KCNB2: variants seen among roughly 807,000 people sequenced by gnomAD.
KCNB2 encodes potassium voltage-gated channel subfamily B member 2.
KCNB2 carries 15 observed loss-of-function variants against 61.5 expected under a neutral mutation model. That is an observed-to-expected ratio of 0.24 (90% confidence interval 0.16 to 0.38). KCNB2 has a LOEUF of 0.38. Among genes scored for constraint, KCNB2 ranks in the 10% least tolerant of loss-of-function variants. The pLI is 1.00. For missense variants in KCNB2, 828 were observed against 1,125.2 expected, an observed-to-expected ratio of 0.74 and a Z score of 3.78; for synonymous variants, 457 against 446.0, an observed-to-expected ratio of 1.02 and a Z score of -0.31.
chr8:72,618,633 T>C (rs1256128932), intron 2 of KCNB2: 2 of 153,698 alleles, frequency 1.3e-5, no homozygotes, highest in African/African-American at 4.8e-5. Context: ...AGAAATTACA[T>C]TATTAAGCAA....
rs147839523 is a variant in KCNB2 at position 72,653,737 on chromosome 8, G to A, written c.579+85424G>A. Among the ~76,000 whole-genome samples, 7 of 152,222 alleles carry A rather than the reference G, an allele frequency of 4.6e-5. No homozygotes were observed. The East Asian group carries it at 1.4e-3, about 29-fold the overall frequency. ...AGCAAAGTTGAATCGTCATGACAGA[G>A]ACCATATAGCCCACAAAGCCTAAAG... On this transcript the variant is annotated intron_variant, in intron 2 of 2. Coordinates refer to ENST00000523207, the MANE Select transcript of KCNB2 (RefSeq NM_004770.3).
chr8:72,735,331 A>C lies in KCNB2; in HGVS notation c.579+167018A>C, dbSNP rs1807824647. The stretch of plus-strand genomic sequence containing the variant: ...AAAGTACTTTGATTAGAATCACATC[A>C]TTTCCCAGAAAGACATTATTTTGCT... On this transcript the variant is annotated intron_variant, in intron 2 of 2. Transcript: ENST00000523207. Among the ~76,000 whole-genome samples, 13 of 152,140 alleles carry C rather than the reference A, an allele frequency of 8.5e-5. 1 individual carries two copies. The highest frequency in any genetic ancestry group is 8.5e-4 in the Admixed American group (13 of 15,250).
chr8:72,648,068 C>G (rs1255882763), intron 2 of KCNB2, among the ~76,000 whole-genome samples: 1 of 152,070 alleles, frequency 6.6e-6, no homozygotes, highest in Non-Finnish European at 1.5e-5. Context: ...CAAACGAGAG[C>G]TCAAAAGGGG....
chr8:72,673,516 T>C (rs1806600431), intron 2 of KCNB2, among the ~76,000 whole-genome samples: 1 of 152,198 alleles, frequency 6.6e-6, no homozygotes, highest in Non-Finnish European at 1.5e-5. Context: ...TAAACCTCTT[T>C]CCTTTATAAA....
chr8:72,560,545 G>A (rs758805554), intron 1 of KCNB2, among the ~76,000 whole-genome samples: 3 of 151,656 alleles, frequency 2.0e-5, no homozygotes, highest in Admixed American at 6.6e-5. Flanking sequence ...CATCTTTATC[G>A]CCTTCATTAC....
At chr8:72,658,816 C>A (rs1000504415) in intron 2 of KCNB2, among the ~76,000 whole-genome samples, 1 of 152,152 alleles carries the variant, frequency 6.6e-6, no homozygotes, top group Non-Finnish European at 1.5e-5. Flanking sequence ...AACAACAAAA[C>A]CTGGATGACA....
intron 2 of KCNB2, among the ~76,000 whole-genome samples, chr8:72,693,201 T>G (rs966432821): frequency 2.0e-5 from 3 of 152,074 alleles, no homozygotes; most frequent in Admixed American, 1.3e-4. Context: ...CCAGACATGG[T>G]GGATGATATG....
chr8:72,674,356 G>A lies in KCNB2; in HGVS notation c.579+106043G>A, dbSNP rs138099309. On this transcript the variant is annotated intron_variant, in intron 2 of 2. Transcript: ENST00000523207. ...TTTTGGTTTGCTAAACACCATTTATGTTAACAACATTTAAAGTTGTAAGTT... is the reference window on the plus strand; with the variant it reads ...TTTTGGTTTGCTAAACACCATTTATATTAACAACATTTAAAGTTGTAAGTT... Among the ~76,000 whole-genome samples the A allele has an allele frequency of 5.9e-4, 90 of 152,276 alleles. 1 individual carries two copies. The highest frequency in any genetic ancestry group is 2.1e-3 in the African/African-American group (89 of 41,554).
At chr8:72,618,185 A>G (rs1350318850) in intron 2 of KCNB2, among the ~76,000 whole-genome samples, 2 of 139,744 alleles carry the variant, frequency 1.4e-5, no homozygotes, top group African/African-American at 6.1e-5. Context: ...CATGTGTGTT[A>G]AAAAAAAAAA....
chr8:72,734,238 C>T (rs925712352), intron 2 of KCNB2, among the ~76,000 whole-genome samples: 2 of 152,196 alleles, frequency 1.3e-5, no homozygotes, highest in South Asian at 2.1e-4. Context: ...AGCCTAGGCT[C>T]AACCTGTACA....
chr8:72,910,111 G>C (rs987861246), intron 2 of KCNB2, among the ~76,000 whole-genome samples: 1 of 152,188 alleles, frequency 6.6e-6, no homozygotes, highest in African/African-American at 2.4e-5. Flanking sequence ...CTTATGAGTT[G>C]TGTGGGCTTG....
chr8:72,923,628 C>T (rs929205255), intron 2 of KCNB2, among the ~76,000 whole-genome samples: 1 of 151,998 alleles, frequency 6.6e-6, no homozygotes, highest in Non-Finnish European at 1.5e-5. Flanking sequence ...GGGGGTGGTC[C>T]ATTCAATTGG....
chr8:72,843,719 T>C (rs1435278061), intron 2 of KCNB2, among the ~76,000 whole-genome samples: 1 of 152,196 alleles, frequency 6.6e-6, no homozygotes, highest in African/African-American at 2.4e-5. Context: ...TTGATCTTTG[T>C]TGGTTTAATG....
In KCNB2 at chr8:72,718,887, C is replaced by T. The variant is rs543902442; in HGVS notation, c.579+150574C>T. On this transcript the variant is annotated intron_variant, in intron 2 of 2. Coordinates refer to ENST00000523207, the MANE Select transcript of KCNB2 (RefSeq NM_004770.3). The stretch of plus-strand genomic sequence containing the variant: ...CCCTCTTTCTTCTGAATAAGAAAAC[C>T]GAGGTTTAGAGAATACTATGGGAAT... 6.6e-5 allele frequency among the ~76,000 whole-genome samples: 10 copies of T among 152,076 alleles called. No homozygotes were observed. The South Asian group carries it at 1.9e-3, about 28-fold the overall frequency.
intron 1 of KCNB2, among the ~76,000 whole-genome samples, chr8:72,543,090 C>T (rs1268482169): frequency 1.3e-5 from 2 of 152,150 alleles, no homozygotes; most frequent in African/African-American, 4.8e-5. Context: ...TCTACTCAGT[C>T]GGATCCAATA....
intron 2 of KCNB2, among the ~76,000 whole-genome samples, chr8:72,601,090 G>A (rs1249340484): frequency 6.6e-6 from 1 of 151,758 alleles, no homozygotes; most frequent in Admixed American, 6.6e-5. Flanking sequence ...GTAAAAAAAA[G>A]GGTATCAGCA....
At chr8:72,581,416 C>T (rs1435307158) in intron 2 of KCNB2, among the ~76,000 whole-genome samples, 11 of 152,268 alleles carry the variant, frequency 7.2e-5, no homozygotes, top group Admixed American at 2.6e-4. Flanking sequence ...TTGAAGAATC[C>T]GAACTGTTTC....
chr8:72,614,676 C>G (rs1209616856), intron 2 of KCNB2, among the ~76,000 whole-genome samples: 1 of 152,142 alleles, frequency 6.6e-6, no homozygotes, highest in East Asian at 1.9e-4. Flanking sequence ...CTTCAGGATG[C>G]TTTAAATCTG....
At chr8:72,843,093 A>G (rs1181800784) in intron 2 of KCNB2, among the ~76,000 whole-genome samples, 1 of 152,080 alleles carries the variant, frequency 6.6e-6, no homozygotes, top group African/African-American at 2.4e-5. Context: ...ATTTCCCTCT[A>G]AACACTGCTT....
Sources: allele counts gnomAD v4.1 joint callset (sites outside exome capture counted in the v4.1 genomes callset), GRCh38; gene constraint gnomAD v4.1.1; transcripts MANE v1.5; gene names NCBI Gene and HGNC (gene_info 2026-07-23, HGNC 2026-07-21).